SNX4: variants seen among roughly 807,000 people sequenced by gnomAD.
SNX4 encodes sorting nexin 4.
Under a neutral mutation model 70.8 loss-of-function variants are expected in SNX4, and 49 were observed. The ratio of observed to expected loss-of-function variants is 0.69; its 90% CI spans 0.55 to 0.88. The LOEUF (loss-of-function observed/expected upper bound fraction) is 0.88, where lower values mean the gene tolerates loss of function less well. SNX4 is among the 40% of genes least tolerant of loss of function. The probability of loss-of-function intolerance (pLI) is 0.00; values close to 1 mark genes in which losing one functional copy is unlikely to be tolerated. For missense variants in SNX4, 528 were observed against 544.8 expected (o/e 0.97, Z 0.31); for synonymous variants, 206 against 183.8 (o/e 1.12, Z -0.98).
At chr3:125,496,238 G>A (rs1304039464) in intron 5 of SNX4, among the ~76,000 whole-genome samples, 7 of 152,148 alleles carry the variant, frequency 4.6e-5, no homozygotes, top group African/African-American at 7.2e-5. Context: ...AGGCTGCAGT[G>A]AGCCATGATC....
intron 1 of SNX4, among the ~76,000 whole-genome samples, chr3:125,518,776 G>T (rs976451732): frequency 2.4e-4 from 37 of 152,098 alleles, no homozygotes; most frequent in African/African-American, 8.7e-4. Context: ...GCCGAGGAGG[G>T]TGGATCACTA....
At chr3:125,497,711 T>G in intron 4 of SNX4, 123 bp downstream of exon 4, 2 of 689,752 alleles carry the variant, frequency 2.9e-6, no homozygotes, top group Non-Finnish European at 4.6e-6. Flanking sequence ...AATTAGAAAT[T>G]CATAACAAAA....
rs752034564 is a variant in SNX4 at position 125,498,176 on chromosome 3, A to G, written c.282T>C (p.Asp94=). The change falls in exon 3 of 14, where the codon GAT becomes GAC. Residue 94 remains aspartate, a synonymous_variant. Coordinates refer to ENST00000251775, the MANE Select transcript of SNX4 (RefSeq NM_003794.4). ...GTGAGTCTGTTAGGACACTCTGACCATCGGTATGTTCAACTGACCTGAAAA... is the reference window on the plus strand; with the variant it reads ...GTGAGTCTGTTAGGACACTCTGACCGTCGGTATGTTCAACTGACCTGAAAA... ...LIETRSVEHT[D]GQSVLTDSLW... is the part of the protein sequence containing the mutation. The G allele has an allele frequency of 9.3e-6, 15 of 1,613,918 alleles. No homozygotes were observed. Among genetic ancestry groups the G allele is most frequent in the East Asian group, 4.5e-5 (2 of 44,898 alleles).
In SNX4 at chr3:125,488,349, C is replaced by A. The variant is rs545499150; in HGVS notation, c.653+1059G>T. 3.1e-4 allele frequency among the ~76,000 whole-genome samples: 47 copies of A among 151,882 alleles called. 1 individual carries two copies. The South Asian group carries it at 5.6e-3, about 18-fold the overall frequency. ...AATTAACTGGGCGTTGTAGGGGGTG[C>A]CTATAATCCTAGCTACTCGGGAGGC... On this transcript the variant is annotated intron_variant, in intron 6 of 13. Coordinates refer to ENST00000251775, the MANE Select transcript of SNX4 (RefSeq NM_003794.4).
chr3:125,507,061 G>C (rs1275633019), intron 1 of SNX4, among the ~76,000 whole-genome samples: 1 of 150,836 alleles, frequency 6.6e-6, no homozygotes, highest in African/African-American at 2.4e-5. Context: ...AACTAGCTGG[G>C]TGTGGTGGCG....
Position 125,460,867 on chromosome 3 carries a change from TAAA to T in SNX4, c.855-10_855-8del. Reference sequence around the variant, plus strand: ...ATCAATAGAAGATGCATACCTGTTTTAAAAAAAAAAACACACATTGCATAGAGT... The same window carrying T: ...ATCAATAGAAGATGCATACCTGTTTTAAAAAAAACACACATTGCATAGAGT... On this transcript the variant is annotated splice_polypyrimidine_tract_variant and splice_region_variant and intron_variant, in intron 9 of 13. Coordinates refer to ENST00000251775, the MANE Select transcript of SNX4 (RefSeq NM_003794.4). 2.8e-6 allele frequency: 3 copies of T among 1,065,652 alleles called. No homozygotes were observed. Among genetic ancestry groups the T allele is most frequent in the Non-Finnish European group, 3.9e-6 (3 of 774,536 alleles). The allele number at this position is 1,065,652 out of a possible 1,614,324, so 66.0% of individuals were successfully genotyped here.
intron 5 of SNX4, among the ~76,000 whole-genome samples, chr3:125,495,291 C>CAT (rs1298551153): frequency 1.9e-5 from 1 of 54,032 alleles, no homozygotes; most frequent in Non-Finnish European, 5.1e-5. Flanking sequence ...CATACACACA[C>CAT]ACACACGTAT....
In SNX4 at chr3:125,469,512, T is replaced by G; in HGVS notation, c.796A>C (p.Ser266Arg). The G allele has an allele frequency of 6.2e-7, 1 of 1,611,574 alleles. No individual in the cohort carries two copies. Among genetic ancestry groups the G allele is most frequent in the South Asian group, 1.1e-5 (1 of 91,016 alleles). The change falls in exon 9 of 14, where the codon AGT (serine) becomes CGT (arginine). Residue 266 changes from serine to arginine, a missense_variant. Around this residue, in one of 3 missense-constraint regions of SNX4, gnomAD observed 28 missense variants for 60.0 expected, o/e 0.47. Coordinates refer to ENST00000251775, the MANE Select transcript of SNX4 (RefSeq NM_003794.4). ...GNYGRVFSEW[S>R]AIEKEMGDGL... ...TCACCCATTTCTTTTTCTATGGCAC[T>G]CCATTCACTAGGGAGTAAAAGATAA...
At chr3:125,506,797 A>AC (rs1167626443) in intron 1 of SNX4, among the ~76,000 whole-genome samples, 3 of 141,698 alleles carry the variant, frequency 2.1e-5, no homozygotes, top group African/African-American at 8.0e-5. Flanking sequence ...CAGAGAACTT[A>AC]AAGAAAGATG....
chr3:125,500,156 T>C (rs1200488554), intron 2 of SNX4, among the ~76,000 whole-genome samples: 3 of 152,104 alleles, frequency 2.0e-5, no homozygotes, highest in Non-Finnish European at 4.4e-5. Flanking sequence ...AGACTTTCAT[T>C]AGACCCCAAA....
intron 10 of SNX4, among the ~76,000 whole-genome samples, chr3:125,458,374 G>A (rs1272416550): frequency 6.6e-6 from 1 of 151,990 alleles, no homozygotes; most frequent in Non-Finnish European, 1.5e-5. Flanking sequence ...CGCCCATGTT[G>A]CCCAGGCTGG....
At chr3:125,501,823 T>A (rs558466744) in intron 2 of SNX4, among the ~76,000 whole-genome samples, 19 of 152,336 alleles carry the variant, frequency 1.2e-4, no homozygotes, top group African/African-American at 4.3e-4. Flanking sequence ...GACTCAATAA[T>A]CCTTTTGTGT....
intron 6 of SNX4, among the ~76,000 whole-genome samples, chr3:125,488,894 T>C (rs568902637): frequency 2.6e-5 from 4 of 152,326 alleles, no homozygotes; most frequent in African/African-American, 9.6e-5. Flanking sequence ...CTTAAATACA[T>C]AGGTCCCACC....
At chr3:125,481,466 G>A (rs1441888920) in intron 6 of SNX4, among the ~76,000 whole-genome samples, 1 of 79,452 alleles carries the variant, frequency 1.3e-5, no homozygotes, top group Non-Finnish European at 2.7e-5. Flanking sequence ...TTTTTTTTTT[G>A]AGACAGAGTT....
At chr3:125,460,392 T>C (rs1279800134) in intron 10 of SNX4, among the ~76,000 whole-genome samples, 1 of 152,166 alleles carries the variant, frequency 6.6e-6, no homozygotes. Flanking sequence ...CCTTGTTACA[T>C]AAGGACGTTG....
intron 11 of SNX4, among the ~76,000 whole-genome samples, chr3:125,455,636 C>A (rs1933692003): frequency 1.3e-5 from 2 of 152,160 alleles, no homozygotes; most frequent in African/African-American, 4.8e-5. Context: ...TACATGTGTC[C>A]TGGTCACAAG....
chr3:125,519,695 A>G (rs1254254987), intron 1 of SNX4, among the ~76,000 whole-genome samples: 1 of 151,900 alleles, frequency 6.6e-6, no homozygotes, highest in Non-Finnish European at 1.5e-5. Context: ...GCGACCACTG[A>G]AAACCCCCTC....
intron 9 of SNX4, among the ~76,000 whole-genome samples, 182 bp from the exon 10 acceptor site, chr3:125,461,042 G>A (rs1388013914): frequency 1.3e-5 from 2 of 151,994 alleles, no homozygotes; most frequent in Non-Finnish European, 2.9e-5. Context: ...CCTGGCCAAC[G>A]TGGTGAAACC....
intron 2 of SNX4, among the ~76,000 whole-genome samples, chr3:125,499,243 T>C (rs1265552730): frequency 3.9e-5 from 6 of 152,202 alleles, no homozygotes; most frequent in South Asian, 2.1e-4. Context: ...GAAGCACCAG[T>C]CTTCTAAACA....
Sources: gnomAD v4.1 joint callset for allele counts (sites outside exome capture counted in the v4.1 genomes callset) on GRCh38, gnomAD v4.1.1 for gene constraint, gnomAD v4.1.1 regional missense constraint, MANE v1.5 for transcripts, NCBI Gene and HGNC (gene_info 2026-07-23, HGNC 2026-07-21) for gene names.